Variants in CLASP1 observed in about 807,000 individuals in gnomAD.
The protein encoded by CLASP1 is CLIP-associating protein 1.
In CLASP1, 38 loss-of-function variants were observed where a neutral mutation model predicts 192.3. That is an observed-to-expected ratio of 0.20 (90% CI 0.15 to 0.26). The LOEUF (loss-of-function observed/expected upper bound fraction) is 0.26, where lower values mean the gene tolerates loss of function less well. Among genes scored for constraint, CLASP1 ranks in the 10% least tolerant of loss-of-function variants. The pLI, the probability that CLASP1 is intolerant of heterozygous loss-of-function variation, is 1.00. For missense variants in CLASP1, 1,433 were observed against 1,932.5 expected (o/e 0.74, Z 4.85); for synonymous variants, 691 against 712.8 (o/e 0.97, Z 0.49).
intron 1 of CLASP1, among the ~76,000 whole-genome samples, chr2:121,614,111 C>T (rs1200578859): frequency 1.3e-5 from 2 of 152,170 alleles, no homozygotes; most frequent in Non-Finnish European, 2.9e-5. Flanking sequence ...GGGGAGGCTA[C>T]CAGGACTCCT....
chr2:121,392,161 G>T (rs1274979372), intron 30 of CLASP1, among the ~76,000 whole-genome samples: 1 of 152,136 alleles, frequency 6.6e-6, no homozygotes, highest in Non-Finnish European at 1.5e-5. Context: ...ACAAGGTTTG[G>T]GGGCTAAATC....
chr2:121,618,997 A>C (rs1172482953), intron 1 of CLASP1, among the ~76,000 whole-genome samples: 1 of 152,226 alleles, frequency 6.6e-6, no homozygotes, highest in African/African-American at 2.4e-5. Context: ...GATCATTAAA[A>C]GCTGGAATTA....
intron 33 of CLASP1, 92 bp from the exon 35 acceptor site, chr2:121,377,741 A>C: frequency 1.1e-6 from 1 of 895,164 alleles, no homozygotes; most frequent in Non-Finnish European, 1.6e-6. Context: ...TTAAAGAATA[A>C]GACATATTTA....
At chr2:121,475,091 C>A (rs139995376) in intron 8 of CLASP1, among the ~76,000 whole-genome samples, 1 of 152,090 alleles carries the variant, frequency 6.6e-6, no homozygotes, top group Non-Finnish European at 1.5e-5. Flanking sequence ...TGACCCTGCA[C>A]AACAACTTAA....
exon 40 of CLASP1, chr2:121,340,733 A>C: frequency 1.5e-6 from 1 of 684,246 alleles, no homozygotes. Context: ...AGGGACCAAA[A>C]TACTGATTGT....
intron 9 of CLASP1, among the ~76,000 whole-genome samples, chr2:121,465,562 G>GCCC: frequency 6.6e-6 from 1 of 152,270 alleles, no homozygotes. Context: ...TCATGGGTAG[G>GCCC]AAGAATCAAT....
intron 4 of CLASP1, 52 bp from the exon 5 acceptor site, chr2:121,527,942 A>C (rs1010973002): frequency 4.9e-6 from 7 of 1,442,688 alleles, no homozygotes; most frequent in Non-Finnish European, 6.8e-6. Context: ...TGCAGCTGAC[A>C]CTTTATAAGG....
At chr2:121,466,870 T>A (rs752347466) in intron 9 of CLASP1, among the ~76,000 whole-genome samples, 2 of 152,340 alleles carry the variant, frequency 1.3e-5, no homozygotes, top group African/African-American at 4.8e-5. Flanking sequence ...GTTGGTTACA[T>A]AGGTAAACGT....
At position 121,460,851 on chromosome 2, in the gene CLASP1, A is replaced by G. The variant is rs896506352; in HGVS notation, c.1032+250T>C. 8.5e-5 allele frequency among the ~76,000 whole-genome samples: 13 copies of G among 152,318 alleles called. 1 individual carries two copies. Among genetic ancestry groups the G allele is most frequent in the Admixed American group, 7.2e-4 (11 of 15,298 alleles). On this transcript the variant is annotated intron_variant, in intron 11 of 39. Transcript: ENST00000263710. ...TTCTGCTAAGGTGAGAGTGGAGACT[A>G]TTACCATACATTCCACAGTCAGGTC...
intron 2 of CLASP1, among the ~76,000 whole-genome samples, chr2:121,531,383 CA>C (rs1475436152): frequency 1.3e-5 from 2 of 151,998 alleles, no homozygotes; most frequent in Non-Finnish European, 2.9e-5. Context: ...ATCACGAGGT[CA>C]GGAGATCGAG....
intron 1 of CLASP1, among the ~76,000 whole-genome samples, chr2:121,644,478 C>A (rs1393303793): frequency 6.6e-6 from 1 of 152,062 alleles, no homozygotes; most frequent in Admixed American, 6.5e-5. Flanking sequence ...TGGTAAAACC[C>A]CGTCTCTACT....
intron 7 of CLASP1, 83 bp from the exon 8 acceptor site, chr2:121,503,317 C>T (rs573901944): frequency 1.3e-6 from 1 of 770,312 alleles, no homozygotes; most frequent in South Asian, 1.6e-5. Flanking sequence ...TGAAGTTGAT[C>T]CCCACTCCCC....
intron 2 of CLASP1, among the ~76,000 whole-genome samples, chr2:121,584,191 T>G (rs2061488170): frequency 6.6e-6 from 1 of 152,158 alleles, no homozygotes; most frequent in Non-Finnish European, 1.5e-5. Flanking sequence ...TCAACTGATC[T>G]TCCCACCTCG....
chr2:121,649,291 C>G (rs1201096282), intron 1 of CLASP1, 81 bp downstream of exon 1: 1 of 152,238 alleles, frequency 6.6e-6, no homozygotes, highest in Non-Finnish European at 1.5e-5. Context: ...CACCCAGACC[C>G]GGCGCCCGCC....
chr2:121,462,784 C>A (rs776960596), intron 9 of CLASP1, among the ~76,000 whole-genome samples, 179 bp from the exon 10 acceptor site: 4 of 152,076 alleles, frequency 2.6e-5, no homozygotes, highest in Non-Finnish European at 5.9e-5. Flanking sequence ...GACTTCATAT[C>A]AAGATGAAAT....
At chr2:121,390,939 C>T (rs1162094119) in intron 30 of CLASP1, among the ~76,000 whole-genome samples, 2 of 152,132 alleles carry the variant, frequency 1.3e-5, no homozygotes, top group Non-Finnish European at 2.9e-5. Context: ...CTGCCTCAGC[C>T]TCCCAAGTAG....
intron 2 of CLASP1, among the ~76,000 whole-genome samples, chr2:121,555,748 T>C (rs1421130819): frequency 7.3e-6 from 1 of 136,092 alleles, no homozygotes; most frequent in Non-Finnish European, 1.5e-5. Flanking sequence ...TGATGCAATC[T>C]TGGCTCACTT....
intron 1 of CLASP1, among the ~76,000 whole-genome samples, chr2:121,629,398 A>G (rs1206306746): frequency 6.6e-6 from 1 of 151,978 alleles, no homozygotes; most frequent in Admixed American, 6.6e-5. Context: ...TCAAAAAAAT[A>G]TATAAAAAAT....
chr2:121,596,959 A>G (rs895484414), intron 2 of CLASP1, among the ~76,000 whole-genome samples: 7 of 152,206 alleles, frequency 4.6e-5, no homozygotes, highest in Non-Finnish European at 1.5e-5. Flanking sequence ...AATTTCAAAT[A>G]TAAGGCAGCA....
Sources: gnomAD v4.1 joint callset for allele counts (sites outside exome capture counted in the v4.1 genomes callset) on GRCh38, gnomAD v4.1.1 for gene constraint, MANE v1.5 for transcripts, NCBI Gene and HGNC (gene_info 2026-07-23, HGNC 2026-07-21) for gene names.